COL22A1: variants seen among roughly 807,000 people sequenced by gnomAD.
COL22A1 encodes the protein collagen type XXII alpha 1 chain.
A neutral mutation model predicts 248.9 loss-of-function variants in COL22A1; 221 were observed. That is an observed-to-expected ratio of 0.89 (90% confidence interval 0.80 to 0.99). The LOEUF (loss-of-function observed/expected upper bound fraction) is 0.99, where lower values mean the gene tolerates loss of function less well. Among genes scored for constraint, COL22A1 ranks in the 50% least tolerant of loss-of-function variants. The probability of loss-of-function intolerance (pLI) is 0.00; values close to 1 mark genes in which losing one functional copy is unlikely to be tolerated. For missense variants in COL22A1, 2,240 were observed against 2,179.0 expected, an observed-to-expected ratio of 1.03 and a Z score of -0.56; for synonymous variants, 891 against 793.4, an observed-to-expected ratio of 1.12 and a Z score of -2.07.
chr8:138,796,389 CTTTTTTTTTTTTTTTTTT>C (rs11284610), intron 12 of COL22A1, among the ~76,000 whole-genome samples: 22 of 26,314 alleles, frequency 8.4e-4, no homozygotes, highest in Admixed American at 4.3e-3. Context: ...TGCTACTTTC[CTTTTTTTTTTTTTTTTTT>C]TTTTTTTTTT....
At chr8:138,731,643 G>A (rs1830714774) in intron 23 of COL22A1, among the ~76,000 whole-genome samples, 1 of 151,106 alleles carries the variant, frequency 6.6e-6, no homozygotes, top group Non-Finnish European at 1.5e-5. Flanking sequence ...AAGTCTACAG[G>A]GCCTGAGAGA....
intron 53 of COL22A1, among the ~76,000 whole-genome samples, chr8:138,617,417 C>G (rs1268829962): frequency 6.6e-6 from 1 of 152,134 alleles, no homozygotes; most frequent in Non-Finnish European, 1.5e-5. Context: ...CCTACCAACA[C>G]CCCTGAGTAG....
At chr8:138,691,803 TAC>T (rs1826954637) in intron 35 of COL22A1, among the ~76,000 whole-genome samples, 7 of 136,372 alleles carry the variant, frequency 5.1e-5, no homozygotes, top group South Asian at 2.4e-4. Flanking sequence ...TGTGTGTGTG[TAC>T]GTGTGTGTGC....
intron 46 of COL22A1, among the ~76,000 whole-genome samples, chr8:138,648,291 G>T (rs924278055): frequency 6.6e-6 from 1 of 152,152 alleles, no homozygotes; most frequent in East Asian, 1.9e-4. Context: ...ATGCCCACGG[G>T]GTCTATGCTC....
At chr8:138,830,969 C>A (rs1819999888) in intron 5 of COL22A1, among the ~76,000 whole-genome samples, 1 of 152,150 alleles carries the variant, frequency 6.6e-6, no homozygotes, top group Non-Finnish European at 1.5e-5. Flanking sequence ...GGAGAGAGAA[C>A]AACCTCATTG....
chr8:138,702,296 G>A (rs1485303938), intron 31 of COL22A1, among the ~76,000 whole-genome samples: 1 of 152,188 alleles, frequency 6.6e-6, no homozygotes, highest in Non-Finnish European at 1.5e-5. Flanking sequence ...CTAAAGTTGT[G>A]ATCCCAATTT....
chr8:138,785,740 T>C (rs1321403559), intron 12 of COL22A1, among the ~76,000 whole-genome samples: 3 of 152,192 alleles, frequency 2.0e-5, no homozygotes, highest in Non-Finnish European at 2.9e-5. Context: ...TTCAAATAGA[T>C]GCCCAGTAGA....
chr8:138,819,232 CT>C (rs920225056), intron 7 of COL22A1, among the ~76,000 whole-genome samples: 2 of 152,036 alleles, frequency 1.3e-5, no homozygotes, highest in African/African-American at 4.8e-5. Flanking sequence ...CTCATTTTTC[CT>C]TATGGTTTAT....
At chr8:138,804,614 C>T (rs1416094907) in intron 10 of COL22A1, among the ~76,000 whole-genome samples, 2 of 152,194 alleles carry the variant, frequency 1.3e-5, no homozygotes, top group Admixed American at 6.5e-5. Flanking sequence ...CTCCTCACAG[C>T]GACCAGCTGG....
intron 18 of COL22A1, among the ~76,000 whole-genome samples, chr8:138,759,520 G>A (rs377747564): frequency 4.8e-4 from 73 of 152,310 alleles, no homozygotes; most frequent in African/African-American, 1.7e-3. Context: ...CTCAGGCTAT[G>A]TCTCGTCACC....
At chr8:138,856,666 G>A (rs961245383) in intron 3 of COL22A1, among the ~76,000 whole-genome samples, 1 of 151,400 alleles carries the variant, frequency 6.6e-6, no homozygotes, top group Non-Finnish European at 1.5e-5. Flanking sequence ...CACAGCAAGA[G>A]AGAGAGACAG....
chr8:138,877,657 C>G (rs559699646), intron 3 of COL22A1, 93 bp downstream of exon 3: 11 of 1,300,298 alleles, frequency 8.5e-6, no homozygotes, highest in Non-Finnish European at 1.0e-5. Context: ...TGGAGCCGGC[C>G]GTAGGATCCC....
Position 138,680,531 on chromosome 8 carries a change from A to G in COL22A1, c.3013-855T>C, listed in dbSNP as rs187770993. ...AAGAGTCTTCCTGCAGTTATAAGGA[A>G]TTAGAAGGGGCCAAGGGGCAGCCAA... On this transcript the variant is annotated intron_variant, in intron 39 of 64. Transcript: ENST00000303045. Among the ~76,000 whole-genome samples the G allele has an allele frequency of 3.9e-5, 6 of 152,284 alleles. No homozygotes were observed. In the East Asian group the frequency reaches 1.2e-3, roughly 29 times the overall value.
intron 3 of COL22A1, among the ~76,000 whole-genome samples, chr8:138,850,453 C>T (rs977297084): frequency 1.3e-5 from 2 of 152,246 alleles, no homozygotes; most frequent in African/African-American, 4.8e-5. Flanking sequence ...GGCCACCTCC[C>T]TCCTTCCCTT....
chr8:138,684,559 T>G (rs1163931265), intron 38 of COL22A1, 90 bp from the exon 39 acceptor site: 2 of 910,806 alleles, frequency 2.2e-6, no homozygotes, highest in Non-Finnish European at 3.7e-6. Flanking sequence ...CATCCTCTGC[T>G]GGGGACCCAG....
chr8:138,692,270 T>TTGTGGAGGTG (rs1827104402), intron 35 of COL22A1, among the ~76,000 whole-genome samples: 10 of 42,964 alleles, frequency 2.3e-4, no homozygotes, highest in Non-Finnish European at 3.7e-4. Context: ...GTGTGCATGT[T>TTGTGGAGGTG]TGTGTGCACA....
chr8:138,682,612 G>A (rs1826047617), intron 39 of COL22A1, among the ~76,000 whole-genome samples: 1 of 152,152 alleles, frequency 6.6e-6, no homozygotes, highest in African/African-American at 2.4e-5. Context: ...TCATGCCTCA[G>A]TGTCTTTTTC....
chr8:138,761,849 C>T (rs13279646), intron 17 of COL22A1, among the ~76,000 whole-genome samples: 42,378 of 152,040 alleles, frequency 0.28, 6,612 homozygotes, highest in African/African-American at 0.43. Context: ...AGGTTATCAT[C>T]GTCTTATGTC....
chr8:138,898,937 C>CAA (rs1412450852), intron 1 of COL22A1, among the ~76,000 whole-genome samples: 2 of 152,084 alleles, frequency 1.3e-5, no homozygotes, highest in African/African-American at 4.8e-5. Flanking sequence ...AACAAAAATA[C>CAA]AAAAAAACCT....
Sources: gnomAD v4.1 joint callset for allele counts (sites outside exome capture counted in the v4.1 genomes callset) on GRCh38, gnomAD v4.1.1 for gene constraint, MANE v1.5 for transcripts, NCBI Gene and HGNC (gene_info 2026-07-23, HGNC 2026-07-21) for gene names.